The following THSD7B variants were observed in gnomAD, a reference collection of about 807,000 sequenced individuals.
THSD7B encodes the protein thrombospondin type 1 domain containing 7B, also known as thrombospondin type-1 domain-containing protein 7B.
THSD7B carries 138 observed loss-of-function variants against 213.6 expected under a neutral mutation model. The ratio of observed to expected loss-of-function variants is 0.65; its 90% confidence interval spans 0.56 to 0.74. The LOEUF (loss-of-function observed/expected upper bound fraction) is 0.74. Ranked by LOEUF, THSD7B falls within the 30% of genes least tolerant of loss-of-function variation. The pLI is 0.00. For synonymous variants in THSD7B, 742 were observed against 687.0 expected, an observed-to-expected ratio of 1.08 and a Z score of -1.25; for missense variants, 1,931 against 1,991.5, an observed-to-expected ratio of 0.97 and a Z score of 0.58.
intron 17 of THSD7B, among the ~76,000 whole-genome samples, chr2:137,593,834 A>G (rs912546894): frequency 6.6e-5 from 10 of 151,886 alleles, no homozygotes; most frequent in Admixed American, 1.3e-4. Flanking sequence ...GTCCTAAGAA[A>G]TCTTTTTCTT....
At chr2:137,378,234 A>G (rs965565005) in intron 12 of THSD7B, among the ~76,000 whole-genome samples, 5 of 152,200 alleles carry the variant, frequency 3.3e-5, no homozygotes, top group African/African-American at 1.2e-4. Flanking sequence ...CTTAAAGAAT[A>G]TGATTTATAT....
chr2:137,178,874 G>T (rs987497759), intron 7 of THSD7B, among the ~76,000 whole-genome samples: 3 of 152,180 alleles, frequency 2.0e-5, no homozygotes, highest in Non-Finnish European at 2.9e-5. Flanking sequence ...TTAGAAAGGG[G>T]CCTAAATAAA....
intron 14 of THSD7B, among the ~76,000 whole-genome samples, chr2:137,424,834 G>A (rs1687006376): frequency 6.6e-6 from 1 of 152,084 alleles, no homozygotes; most frequent in Non-Finnish European, 1.5e-5. Context: ...CACTTTGGGA[G>A]GCCGAGGGAG....
At chr2:137,664,818 T>G (rs992530891) in intron 26 of THSD7B, among the ~76,000 whole-genome samples, 1 of 152,218 alleles carries the variant, frequency 6.6e-6, no homozygotes, top group Non-Finnish European at 1.5e-5. Context: ...GACATACTTC[T>G]TTCGGAAACA....
intron 10 of THSD7B, among the ~76,000 whole-genome samples, chr2:137,268,678 C>T (rs12619155): frequency 0.027 from 4,065 of 152,180 alleles, 108 homozygotes; most frequent in Middle Eastern, 0.092. Flanking sequence ...ATTTTATCAG[C>T]AAGGTCTTTA....
At chr2:137,555,362 A>G (rs1244354574) in intron 15 of THSD7B, among the ~76,000 whole-genome samples, 2 of 152,194 alleles carry the variant, frequency 1.3e-5, no homozygotes, top group African/African-American at 2.4e-5. Flanking sequence ...GGGAACGATT[A>G]GACAGCAACA....
intron 15 of THSD7B, among the ~76,000 whole-genome samples, chr2:137,510,542 A>G (rs967287015): frequency 1.3e-5 from 2 of 152,194 alleles, no homozygotes; most frequent in Non-Finnish European, 2.9e-5. Flanking sequence ...TTTACACCAT[A>G]CTTACCATTT....
At chr2:136,979,940 C>A (rs924200055) in intron 2 of THSD7B, among the ~76,000 whole-genome samples, 1 of 152,074 alleles carries the variant, frequency 6.6e-6, no homozygotes, top group African/African-American at 2.4e-5. Context: ...TGACTTTTGG[C>A]TGGCATTTTT....
At chr2:137,554,710 T>C (rs1573704343) in intron 15 of THSD7B, among the ~76,000 whole-genome samples, 2 of 152,174 alleles carry the variant, frequency 1.3e-5, no homozygotes. Context: ...TGCAGTACAG[T>C]GGATGCAGTG....
At chr2:137,432,366 G>A (rs1573622368) in intron 14 of THSD7B, among the ~76,000 whole-genome samples, 1 of 152,380 alleles carries the variant, frequency 6.6e-6, no homozygotes, top group East Asian at 1.9e-4. Flanking sequence ...GCTCCAGCCT[G>A]CCGACAGAGC....
intron 7 of THSD7B, among the ~76,000 whole-genome samples, chr2:137,191,619 G>A (rs1215977755): frequency 6.6e-6 from 1 of 151,946 alleles, no homozygotes; most frequent in African/African-American, 2.4e-5. Flanking sequence ...TCAACCTGGA[G>A]CATACCCTAG....
chr2:136,987,611 C>T (rs543961008), intron 2 of THSD7B, among the ~76,000 whole-genome samples: 4 of 152,284 alleles, frequency 2.6e-5, no homozygotes, highest in East Asian at 1.9e-4. Context: ...TCATTCTTCT[C>T]GCCAGCTTTC....
At chr2:137,375,538 C>T (rs1047981367) in intron 12 of THSD7B, among the ~76,000 whole-genome samples, 2 of 152,118 alleles carry the variant, frequency 1.3e-5, no homozygotes, top group Non-Finnish European at 2.9e-5. Flanking sequence ...ATGAGCTGTT[C>T]TTCATTAAAA....
intron 2 of THSD7B, among the ~76,000 whole-genome samples, chr2:136,987,668 A>G (rs1685694076): frequency 1.3e-5 from 2 of 152,234 alleles, no homozygotes; most frequent in Non-Finnish European, 2.9e-5. Flanking sequence ...GACTGGTGTC[A>G]TAACTTTGCT....
chr2:136,852,933 A>G (rs1683122912), intron 1 of THSD7B, among the ~76,000 whole-genome samples: 1 of 152,206 alleles, frequency 6.6e-6, no homozygotes, highest in African/African-American at 2.4e-5. Context: ...CTTCAAATCT[A>G]CAGAAAGGTT....
chr2:137,080,160 G>T (rs1037314689), intron 3 of THSD7B, among the ~76,000 whole-genome samples: 3 of 148,498 alleles, frequency 2.0e-5, no homozygotes, highest in African/African-American at 7.5e-5. Context: ...TTAAATATAT[G>T]TAAATATATG....
At chr2:137,406,209 T>C (rs1686513323) in intron 13 of THSD7B, among the ~76,000 whole-genome samples, 2 of 152,214 alleles carry the variant, frequency 1.3e-5, no homozygotes, top group Admixed American at 6.5e-5. Context: ...GACATCATTG[T>C]CTTTTGCCAT....
chr2:137,049,928 A>G (rs908945925), intron 2 of THSD7B, among the ~76,000 whole-genome samples: 2 of 152,172 alleles, frequency 1.3e-5, no homozygotes, highest in Admixed American at 1.3e-4. Flanking sequence ...CTTCCCTTGC[A>G]GTCTTAGAAC....
intron 1 of THSD7B, among the ~76,000 whole-genome samples, chr2:136,765,927 G>A (rs1026508973): frequency 2.0e-5 from 3 of 152,230 alleles, no homozygotes; most frequent in Non-Finnish European, 4.4e-5. Context: ...GGCGCAGTGT[G>A]CGGAGACCCT....
Sources: gnomAD v4.1 joint callset for allele counts (sites outside exome capture counted in the v4.1 genomes callset) on GRCh38, gnomAD v4.1.1 for gene constraint, MANE v1.5 for transcripts, NCBI Gene and HGNC (gene_info 2026-07-23, HGNC 2026-07-21) for gene names.